Variants in FRMD6 observed in about 807,000 individuals in gnomAD.
FRMD6 encodes the protein FERM domain containing 6.
FRMD6 carries 37 observed loss-of-function variants against 73.2 expected under a neutral mutation model. That is an observed-to-expected ratio of 0.51 (90% confidence interval 0.39 to 0.66). The LOEUF (loss-of-function observed/expected upper bound fraction) is 0.66, where lower values mean the gene tolerates loss of function less well. FRMD6 is among the 30% of genes least tolerant of loss of function. The pLI, the probability that FRMD6 is intolerant of heterozygous loss-of-function variation, is 0.00. For synonymous variants in FRMD6, 273 were observed against 282.2 expected, an observed-to-expected ratio of 0.97 and a Z score of 0.33; for missense variants, 714 against 780.5, an observed-to-expected ratio of 0.91 and a Z score of 1.02.
At chr14:51,594,984 G>A (rs945956660) in intron 2 of FRMD6, among the ~76,000 whole-genome samples, 2 of 152,198 alleles carry the variant, frequency 1.3e-5, no homozygotes, top group Non-Finnish European at 2.9e-5. Context: ...GAGAAATAAA[G>A]AATGATGAGC....
chr14:51,425,409 C>G, the FRMD6 span, among the ~76,000 whole-genome samples: 1,317 of 152,198 alleles, frequency 8.7e-3, 21 homozygotes, highest in African/African-American at 0.03. Flanking sequence ...ATCTTCCATC[C>G]CTCTCCTTGG....
intron 7 of FRMD6, among the ~76,000 whole-genome samples, chr14:51,710,360 GA>G (rs1249058661): frequency 1.3e-5 from 2 of 151,654 alleles, no homozygotes; most frequent in Admixed American, 6.6e-5. Flanking sequence ...GAACATTCTG[GA>G]AAAAAAACCC....
At chr14:51,589,319 T>C (rs1478093792) in intron 2 of FRMD6, among the ~76,000 whole-genome samples, 1 of 145,090 alleles carries the variant, frequency 6.9e-6, no homozygotes, top group Non-Finnish European at 1.5e-5. Context: ...CCATCCACTA[T>C]TGTTTTGTTT....
intron 7 of FRMD6, among the ~76,000 whole-genome samples, chr14:51,709,836 A>G (rs1896842771): frequency 6.6e-6 from 1 of 152,130 alleles, no homozygotes; most frequent in Admixed American, 6.6e-5. Flanking sequence ...TCAGATGTCA[A>G]TTAGAAACCC....
At chr14:51,584,619 C>G (rs890179126) in intron 2 of FRMD6, among the ~76,000 whole-genome samples, 1 of 152,140 alleles carries the variant, frequency 6.6e-6, no homozygotes, top group African/African-American at 2.4e-5. Flanking sequence ...TGCAATTTTT[C>G]CATTAATCAG....
chr14:51,665,178 A>G (rs1354438624), intron 1 of FRMD6, among the ~76,000 whole-genome samples: 3 of 152,214 alleles, frequency 2.0e-5, no homozygotes, highest in Admixed American at 2.0e-4. Flanking sequence ...TGCATTTTAT[A>G]CCTTCTCTTG....
the FRMD6 span, among the ~76,000 whole-genome samples, chr14:51,413,246 G>A: frequency 6.6e-6 from 1 of 152,088 alleles, no homozygotes; most frequent in Admixed American, 6.5e-5. Flanking sequence ...TGCCATGTTG[G>A]TTTGCTGCAC....
At chr14:51,436,880 GA>G in the FRMD6 span, 1 of 870,642 alleles carries the variant, frequency 1.1e-6, no homozygotes. Flanking sequence ...AGGTATTGAT[GA>G]AGAAGGGGAT....
intron 2 of FRMD6, among the ~76,000 whole-genome samples, chr14:51,613,297 G>A (rs767205833): frequency 2.6e-5 from 4 of 152,148 alleles, no homozygotes; most frequent in Admixed American, 1.3e-4. Context: ...AGACTGATGG[G>A]TCTTAATGAT....
the FRMD6 span, among the ~76,000 whole-genome samples, chr14:51,462,603 G>A: frequency 2.0e-5 from 3 of 152,182 alleles, no homozygotes; most frequent in Non-Finnish European, 2.9e-5. Context: ...CTGGATATTA[G>A]TGTATGTGTC....
chr14:51,453,854 C>T, the FRMD6 span, among the ~76,000 whole-genome samples: 1 of 152,166 alleles, frequency 6.6e-6, no homozygotes, highest in Non-Finnish European at 1.5e-5. Flanking sequence ...TGTATAAATA[C>T]AGAAAGGCAA....
intron 2 of FRMD6, among the ~76,000 whole-genome samples, chr14:51,597,014 A>G (rs984287618): frequency 4.6e-5 from 7 of 152,220 alleles, no homozygotes; most frequent in Admixed American, 1.3e-4. Flanking sequence ...TAAATATGCA[A>G]TTTTATAGGA....
intron 2 of FRMD6, chr14:51,599,720 C>CTTTGAAATGAAAATTGGGTG (rs1889929201): frequency 6.6e-6 from 1 of 152,036 alleles, no homozygotes; most frequent in Non-Finnish European, 1.5e-5. Flanking sequence ...CTAAGGCAGG[C>CTTTGAAATGAAAATTGGGTG]ACAGGTTTCC....
chr14:51,494,702 G>A (rs1374651779), intron 1 of FRMD6, among the ~76,000 whole-genome samples: 1 of 152,140 alleles, frequency 6.6e-6, no homozygotes, highest in Admixed American at 6.5e-5. Context: ...ATTGATTTTG[G>A]TGCCCTAATG....
the FRMD6 span, among the ~76,000 whole-genome samples, chr14:51,469,877 T>C: frequency 5.9e-5 from 9 of 152,150 alleles, no homozygotes; most frequent in Admixed American, 3.3e-4. Context: ...CACCTTTCTA[T>C]GGAAATCATT....
the FRMD6 span, among the ~76,000 whole-genome samples, chr14:51,409,719 A>G: frequency 6.6e-6 from 1 of 152,244 alleles, no homozygotes; most frequent in Non-Finnish European, 1.5e-5. Context: ...CCACTTCAGT[A>G]TCCTGAGTAG....
chr14:51,598,255 A>G (rs1275356232), intron 2 of FRMD6, among the ~76,000 whole-genome samples: 1 of 152,162 alleles, frequency 6.6e-6, no homozygotes, highest in Non-Finnish European at 1.5e-5. Flanking sequence ...ACAGACACAG[A>G]AAGTGGTCCC....
At chr14:51,534,916 C>T (rs1278211039) in intron 1 of FRMD6, among the ~76,000 whole-genome samples, 2 of 152,172 alleles carry the variant, frequency 1.3e-5, no homozygotes, top group East Asian at 1.9e-4. Flanking sequence ...CGCAGGGCCC[C>T]GGGGCAGCCG....
the FRMD6 span, among the ~76,000 whole-genome samples, chr14:51,403,930 G>A: frequency 6.6e-6 from 1 of 152,058 alleles, no homozygotes; most frequent in Non-Finnish European, 1.5e-5. Flanking sequence ...TTCCATAGGA[G>A]AGAAGATGTG....
Sources: allele counts gnomAD v4.1 joint callset (sites outside exome capture counted in the v4.1 genomes callset), GRCh38; gene constraint gnomAD v4.1.1; transcripts MANE v1.5; gene names NCBI Gene and HGNC (gene_info 2026-07-23, HGNC 2026-07-21).